Variants in UVRAG observed in about 807,000 individuals in gnomAD.
UVRAG encodes the protein UV radiation resistance associated.
UVRAG carries 19 observed loss-of-function variants against 78.0 expected under a neutral mutation model. The ratio of observed to expected loss-of-function variants is 0.24; its 90% confidence interval spans 0.17 to 0.36. The LOEUF (loss-of-function observed/expected upper bound fraction) is 0.36, where lower values mean the gene tolerates loss of function less well. UVRAG is among the 10% of genes least tolerant of loss of function. The pLI is 1.00. For missense variants in UVRAG, 740 were observed against 853.8 expected (o/e 0.87, Z 1.66); for synonymous variants, 323 against 324.6 (o/e 1.00, Z 0.05).
intron 13 of UVRAG, among the ~76,000 whole-genome samples, chr11:76,115,678 G>A (rs1314304171): frequency 1.3e-5 from 2 of 152,146 alleles, no homozygotes; most frequent in Non-Finnish European, 2.9e-5. Context: ...GGGGGCAAGA[G>A]AACAGTAAGT....
At chr11:75,992,124 A>G (rs1949619547) in intron 8 of UVRAG, among the ~76,000 whole-genome samples, 1 of 152,164 alleles carries the variant, frequency 6.6e-6, no homozygotes. Flanking sequence ...ATAACAAGTT[A>G]TGTGCCCAAA....
chr11:75,837,848 A>G (rs185683903), intron 1 of UVRAG, among the ~76,000 whole-genome samples: 8 of 152,296 alleles, frequency 5.3e-5, no homozygotes, highest in East Asian at 1.9e-4. Flanking sequence ...TTGAATACCT[A>G]TTAAAAAGTT....
chr11:75,967,076 A>G lies in UVRAG; in HGVS notation c.699+5527A>G, dbSNP rs546375566. On this transcript the variant is annotated intron_variant, in intron 7 of 14. Coordinates refer to ENST00000356136, the MANE Select transcript of UVRAG (RefSeq NM_003369.4). Reference sequence around the variant, plus strand: ...CCACAGAAAAGGGGAATTTCATTTTATTGGTTGTTTATGCCAAGTTCTGAC... The same window carrying G: ...CCACAGAAAAGGGGAATTTCATTTTGTTGGTTGTTTATGCCAAGTTCTGAC... Among the ~76,000 whole-genome samples, 13 of 152,262 alleles carry G rather than the reference A, an allele frequency of 8.5e-5. No homozygotes were observed. In the East Asian group the frequency reaches 2.5e-3, roughly 29 times the overall value.
chr11:75,913,195 C>T (rs1404841198), intron 6 of UVRAG, among the ~76,000 whole-genome samples: 2 of 151,986 alleles, frequency 1.3e-5, no homozygotes, highest in Non-Finnish European at 2.9e-5. Flanking sequence ...TAAAATGAGG[C>T]GTAGGGTACA....
At chr11:75,820,089 G>A (rs1361994271) in intron 1 of UVRAG, among the ~76,000 whole-genome samples, 5 of 152,082 alleles carry the variant, frequency 3.3e-5, no homozygotes, top group Non-Finnish European at 5.9e-5. Flanking sequence ...TGATTATCTT[G>A]CCTCAGCCTC....
intron 7 of UVRAG, among the ~76,000 whole-genome samples, chr11:75,978,328 A>C (rs1949300480): frequency 6.6e-6 from 1 of 152,134 alleles, no homozygotes; most frequent in South Asian, 2.1e-4. Flanking sequence ...ACTTTGGTGA[A>C]TCTGACAATT....
At chr11:76,055,328 A>G (rs976667043) in intron 12 of UVRAG, among the ~76,000 whole-genome samples, 2 of 152,202 alleles carry the variant, frequency 1.3e-5, no homozygotes, top group African/African-American at 4.8e-5. Context: ...GATTATAGGC[A>G]TGAGCCACCG....
At chr11:75,991,418 G>T (rs767248961) in intron 8 of UVRAG, among the ~76,000 whole-genome samples, 1 of 152,044 alleles carries the variant, frequency 6.6e-6, no homozygotes, top group Non-Finnish European at 1.5e-5. Context: ...ACCTTTTCTA[G>T]TAAGAGTAAT....
intron 7 of UVRAG, chr11:75,980,066 A>G (rs1258344185): frequency 6.6e-6 from 1 of 152,436 alleles, no homozygotes; most frequent in African/African-American, 2.4e-5. Flanking sequence ...AACATTTAGT[A>G]GAATTCACTG....
At chr11:76,026,605 A>T (rs1448445145) in intron 12 of UVRAG, among the ~76,000 whole-genome samples, 1 of 152,030 alleles carries the variant, frequency 6.6e-6, no homozygotes. Flanking sequence ...ATAACCTTTC[A>T]TCTTCATTTT....
At chr11:75,950,962 GTACACA>G (rs1024778365) in intron 6 of UVRAG, among the ~76,000 whole-genome samples, 7 of 125,974 alleles carry the variant, frequency 5.6e-5, no homozygotes, top group African/African-American at 2.7e-4. Context: ...TTTGTCAGGT[GTACACA>G]CACACACACA....
At chr11:75,827,484 A>T (rs1274876717) in intron 1 of UVRAG, among the ~76,000 whole-genome samples, 1 of 151,976 alleles carries the variant, frequency 6.6e-6, no homozygotes, top group Non-Finnish European at 1.5e-5. Context: ...GGTGGCGGGC[A>T]CCTGTAATCC....
chr11:75,946,651 G>C (rs1247799258), intron 6 of UVRAG, among the ~76,000 whole-genome samples: 1 of 152,124 alleles, frequency 6.6e-6, no homozygotes, highest in Non-Finnish European at 1.5e-5. Context: ...ACTTCCTTGT[G>C]GTTTATAGGA....
Position 75,969,222 on chromosome 11 carries a change from A to G in UVRAG, c.699+7673A>G, listed in dbSNP as rs113628474. Among the ~76,000 whole-genome samples, 370 of 152,296 alleles carry G rather than the reference A, an allele frequency of 2.4e-3. 1 individual carries two copies. The highest frequency in any genetic ancestry group is 8.6e-3 in the African/African-American group (356 of 41,552). On this transcript the variant is annotated intron_variant, in intron 7 of 14. Coordinates refer to ENST00000356136, the MANE Select transcript of UVRAG (RefSeq NM_003369.4). The stretch of plus-strand genomic sequence containing the variant: ...TTTGACTGTACTCTGAGTAACTCAT[A>G]TAAGTGAAATCATGCAGTGTATACC...
intron 2 of UVRAG, among the ~76,000 whole-genome samples, chr11:75,853,098 A>C (rs1039624111): frequency 2.0e-5 from 3 of 151,916 alleles, no homozygotes; most frequent in Non-Finnish European, 4.4e-5. Flanking sequence ...ATTTTTGTAG[A>C]AATGGGGTCC....
chr11:76,087,310 C>T (rs189529081), intron 13 of UVRAG, among the ~76,000 whole-genome samples: 106 of 152,248 alleles, frequency 7.0e-4, no homozygotes, highest in African/African-American at 2.5e-3. Flanking sequence ...TAAAATTGAC[C>T]GGTGAGCAGT....
intron 8 of UVRAG, among the ~76,000 whole-genome samples, chr11:75,984,911 T>C (rs1034330240): frequency 5.9e-5 from 9 of 152,202 alleles, no homozygotes; most frequent in African/African-American, 2.2e-4. Context: ...TTTGGGAACA[T>C]TAGAGTTAAT....
chr11:75,822,458 C>T (rs1391692361), intron 1 of UVRAG, among the ~76,000 whole-genome samples: 1 of 152,202 alleles, frequency 6.6e-6, no homozygotes, highest in Admixed American at 6.5e-5. Flanking sequence ...GCCACAATCT[C>T]CTTAGAGTTA....
chr11:75,939,070 A>G lies in UVRAG; in HGVS notation c.594-22374A>G, dbSNP rs539663349. Reference sequence around the variant, plus strand: ...TGTCTGGTGGCCAGTCTTGAAATCTATCCTCTCATGTTTTCCTAGGGTTTT... The same window carrying G: ...TGTCTGGTGGCCAGTCTTGAAATCTGTCCTCTCATGTTTTCCTAGGGTTTT... On this transcript the variant is annotated intron_variant, in intron 6 of 14. Transcript: ENST00000356136. Among the ~76,000 whole-genome samples, 14 of 149,286 alleles carry G rather than the reference A, an allele frequency of 9.4e-5. No individual in the cohort carries two copies. The East Asian group carries it at 2.0e-3, about 21-fold the overall frequency.
Sources: allele counts gnomAD v4.1 joint callset (sites outside exome capture counted in the v4.1 genomes callset), GRCh38; gene constraint gnomAD v4.1.1; transcripts MANE v1.5; gene names NCBI Gene and HGNC (gene_info 2026-07-23, HGNC 2026-07-21).